The following GGH variants were observed in gnomAD, a reference collection of about 807,000 sequenced individuals.
GGH encodes gamma-Glu-X carboxypeptidase.
GGH carries 18 observed loss-of-function variants against 39.2 expected under a neutral mutation model. The ratio of observed to expected loss-of-function variants is 0.46; its 90% CI spans 0.32 to 0.68. The LOEUF (loss-of-function observed/expected upper bound fraction) is 0.68, where lower values mean the gene tolerates loss of function less well. GGH is among the 30% of genes least tolerant of loss of function. The pLI is 0.04. For missense variants in GGH, 367 were observed against 384.1 expected, an observed-to-expected ratio of 0.96 and a Z score of 0.37; for synonymous variants, 147 against 138.8, an observed-to-expected ratio of 1.06 and a Z score of -0.42.
In GGH at chr8:63,015,296, T is replaced by G. The variant is rs763288478; in HGVS notation, c.*36A>C. 3 of 1,094,212 alleles carry G rather than the reference T, an allele frequency of 2.7e-6. No individual in the cohort carries two copies. In the South Asian group the frequency reaches 4.2e-5, roughly 15 times the overall value. The allele number at this position is 1,094,212 out of a possible 1,614,324, so 67.8% of individuals were successfully genotyped here. On this transcript the variant is annotated 3_prime_UTR_variant, in exon 9 of 9. Transcript: ENST00000260118. ...TTATTCTAACAGTTTAATCATGGAATTATTCAAATTTGCTCTGTTAACAAA... is the reference window on the plus strand; with the variant it reads ...TTATTCTAACAGTTTAATCATGGAAGTATTCAAATTTGCTCTGTTAACAAA...
intron 7 of GGH, 54 bp from the exon 8 acceptor site, chr8:63,017,684 A>C: frequency 9.1e-7 from 1 of 1,101,396 alleles, no homozygotes; most frequent in Non-Finnish European, 1.3e-6. Flanking sequence ...AATGTTACTT[A>C]TAATGAAATT....
At chr8:63,037,102 A>C (rs1231679621) in intron 1 of GGH, among the ~76,000 whole-genome samples, 1 of 152,192 alleles carries the variant, frequency 6.6e-6, no homozygotes, top group Non-Finnish European at 1.5e-5. Flanking sequence ...TGATAGGAAG[A>C]GCTGTTGTCT....
At chr8:63,032,568 G>A (rs1585673310) in intron 2 of GGH, among the ~76,000 whole-genome samples, 1 of 152,134 alleles carries the variant, frequency 6.6e-6, no homozygotes, top group African/African-American at 2.4e-5. Flanking sequence ...ATGCTTCCCA[G>A]GTCTCCCATC....
chr8:63,017,489 T>G lies in GGH; in HGVS notation c.835+4A>C. 6.2e-7 allele frequency: 1 copy of G among 1,605,204 alleles called. No individual in the cohort carries two copies. Among genetic ancestry groups the G allele is most frequent in the Non-Finnish European group, 8.5e-7 (1 of 1,175,156 alleles). On this transcript the variant is annotated splice_donor_region_variant and intron_variant, in intron 8 of 8. Coordinates refer to ENST00000260118, the MANE Select transcript of GGH (RefSeq NM_003878.3). ...AATAACAAAATTATGTACCCTCATA[T>G]TACCTTCATTAACAAAAAACTCTGC...
chr8:63,038,681 T>C lies in GGH; in HGVS notation c.88A>G (p.Thr30Ala). ...TTACCGATGATGGGCTTCTTGGCGG[T>C]GTCGCCGTGGGGTCTAGACAGCTCG... ...SLELSRPHGDTAKKPIIGILM... is the reference protein window; with the variant it reads ...SLELSRPHGDAAKKPIIGILM... The change falls in exon 1 of 9, where the codon ACC (threonine) becomes GCC (alanine). Residue 30 changes from threonine (T) to alanine (A), a missense_variant. Physicochemically the swap from Thr to Ala is moderately conservative, Grantham distance 58. Coordinates refer to ENST00000260118, the MANE Select transcript of GGH (RefSeq NM_003878.3). The C allele has an allele frequency of 6.5e-7, 1 of 1,531,964 alleles. No homozygotes were observed. Among genetic ancestry groups the C allele is most frequent in the Non-Finnish European group, 8.8e-7 (1 of 1,131,486 alleles). 94.9% of individuals were successfully genotyped at this position (1,531,964 alleles called of 1,614,324 possible). A position where few individuals can be genotyped will look rare whatever the true frequency, so the allele number is the denominator to read the frequency against.
At position 63,017,506 on chromosome 8, in the gene GGH, A is replaced by C; in HGVS notation, c.822T>G (p.Phe274Leu). 6.2e-7 allele frequency: 1 copy of C among 1,609,140 alleles called. No individual in the cohort carries two copies. The highest frequency in any genetic ancestry group is 1.1e-5 in the South Asian group (1 of 89,646). The change falls in exon 8 of 9, where the codon TTT becomes TTG. Residue 274 changes from phenylalanine to leucine, a missense_variant. Coordinates refer to ENST00000260118, the MANE Select transcript of GGH (RefSeq NM_003878.3). ...CCCTCATATTACCTTCATTAACAAA[A>C]AACTCTGCTAAATAAAATGCGGTTT... is the stretch of plus-strand genomic sequence containing the variant. The part of the protein sequence containing the change: ...AVKTAFYLAE[F>L]FVNEARKNNH...
At chr8:63,036,167 C>A (rs1382469858) in intron 1 of GGH, among the ~76,000 whole-genome samples, 1 of 152,148 alleles carries the variant, frequency 6.6e-6, no homozygotes, top group East Asian at 1.9e-4. Context: ...ATCTTCCATC[C>A]ACACCTCTCC....
intron 2 of GGH, among the ~76,000 whole-genome samples, chr8:63,034,996 G>A (rs1804875332): frequency 6.6e-6 from 1 of 152,050 alleles, no homozygotes; most frequent in South Asian, 2.1e-4. Context: ...AATGTACACT[G>A]TACCCAATAT....
At chr8:63,035,999 A>T (rs1232250686) in intron 1 of GGH, among the ~76,000 whole-genome samples, 2 of 152,206 alleles carry the variant, frequency 1.3e-5, no homozygotes, top group Non-Finnish European at 2.9e-5. Context: ...ATAAGCCCCC[A>T]AAGAAGGCTT....
intron 2 of GGH, among the ~76,000 whole-genome samples, chr8:63,033,758 T>C (rs1804848222): frequency 6.6e-6 from 1 of 151,904 alleles, no homozygotes; most frequent in Non-Finnish European, 1.5e-5. Context: ...CAATAGGTAG[T>C]TTTTCAGCCC....
intron 3 of GGH, among the ~76,000 whole-genome samples, chr8:63,029,356 C>G (rs1464781907): frequency 1.3e-5 from 2 of 152,170 alleles, no homozygotes; most frequent in African/African-American, 2.4e-5. Flanking sequence ...AAGTCAGCAT[C>G]TACAGATAGC....
At chr8:63,021,711 G>T (rs2129645440) in intron 7 of GGH, among the ~76,000 whole-genome samples, 1 of 120,870 alleles carries the variant, frequency 8.3e-6, no homozygotes. Context: ...GTCTCGCTCT[G>T]TCACCCAGGC....
chr8:63,015,257 C>G lies in GGH; in HGVS notation c.*75G>C. On this transcript the variant is annotated 3_prime_UTR_variant, in exon 9 of 9. Coordinates refer to ENST00000260118, the MANE Select transcript of GGH (RefSeq NM_003878.3). Reference sequence around the variant, plus strand: ...AAGAATCTGTGACTTCCTAATCTTGCCATGAGTAGCAAGTTATTCTAACAG... The same window carrying G: ...AAGAATCTGTGACTTCCTAATCTTGGCATGAGTAGCAAGTTATTCTAACAG... 1.3e-6 allele frequency: 1 copy of G among 742,104 alleles called. No homozygotes were observed. Among genetic ancestry groups the G allele is most frequent in the Non-Finnish European group, 2.2e-6 (1 of 452,406 alleles). 46.0% of individuals were successfully genotyped at this position (742,104 alleles called of 1,614,324 possible). A position where few individuals can be genotyped will look rare whatever the true frequency, so the allele number is the denominator to read the frequency against.
intron 7 of GGH, among the ~76,000 whole-genome samples, chr8:63,019,717 C>T (rs772429636): frequency 3.3e-5 from 5 of 152,194 alleles, no homozygotes; most frequent in African/African-American, 1.2e-4. Context: ...AGCAGAAAAT[C>T]GCCCAAGAAA....
rs1027298079 is a variant in GGH at position 63,038,470 on chromosome 8, G to C, written c.109+190C>G. On this transcript the variant is annotated intron_variant, in intron 1 of 8. Transcript: ENST00000260118. The stretch of plus-strand genomic sequence containing the variant: ...ATATGAGTCTAAAGGAATGAACGAG[G>C]TACCTCAACCAGGTACATTTCAGTA... Among the ~76,000 whole-genome samples, 6 of 152,346 alleles carry C rather than the reference G, an allele frequency of 3.9e-5. No individual in the cohort carries two copies. In the South Asian group the frequency reaches 1.2e-3, roughly 32 times the overall value.
At chr8:63,034,475 A>G (rs1380495689) in intron 2 of GGH, among the ~76,000 whole-genome samples, 2 of 152,110 alleles carry the variant, frequency 1.3e-5, no homozygotes, top group Non-Finnish European at 2.9e-5. Context: ...TACAGAATAA[A>G]TAGTGTTTTA....
At chr8:63,022,558 C>CTT (rs143721342) in intron 7 of GGH, among the ~76,000 whole-genome samples, 25 of 148,620 alleles carry the variant, frequency 1.7e-4, no homozygotes, top group Admixed American at 1.3e-3. Context: ...ATAATTTCTT[C>CTT]TTTTTTTTTT....
intron 7 of GGH, 190 bp downstream of exon 7, chr8:63,023,717 A>G: frequency 2.7e-6 from 1 of 375,272 alleles, no homozygotes; most frequent in Non-Finnish European, 4.8e-6. Context: ...TCACCACCCC[A>G]TTCAGGAAAA....
intron 1 of GGH, among the ~76,000 whole-genome samples, chr8:63,037,635 A>G (rs148013654): frequency 3.9e-4 from 60 of 152,292 alleles, no homozygotes; most frequent in African/African-American, 1.2e-3. Flanking sequence ...GACCAAAAGC[A>G]AAGTCCCTTT....
Sources: gnomAD v4.1 joint callset for allele counts (sites outside exome capture counted in the v4.1 genomes callset) on GRCh38, gnomAD v4.1.1 for gene constraint, MANE v1.5 for transcripts, NCBI Gene and HGNC (gene_info 2026-07-23, HGNC 2026-07-21) for gene names.